Variants in TDRD9 observed in about 807,000 individuals in gnomAD.
TDRD9 encodes ATP-dependent RNA helicase TDRD9.
Under a neutral mutation model 172.6 loss-of-function variants are expected in TDRD9, and 124 were observed. The observed-to-expected ratio is 0.72, with a 90% CI of 0.62 to 0.83. The LOEUF is 0.83. TDRD9 is among the 40% of genes least tolerant of loss of function. The pLI, the probability that TDRD9 is intolerant of heterozygous loss-of-function variation, is 0.00. For missense variants in TDRD9, 1,479 were observed against 1,714.1 expected (o/e 0.86, Z 2.42); for synonymous variants, 619 against 617.1 (o/e 1.00, Z -0.05).
intron 9 of TDRD9, 99 bp from the exon 10 acceptor site, chr14:103,994,233 G>C (rs1449244126): frequency 3.0e-6 from 3 of 992,232 alleles, no homozygotes; most frequent in Non-Finnish European, 4.7e-6. Flanking sequence ...TAAATTGGTA[G>C]GGCCTTCTTT....
intron 1 of TDRD9, among the ~76,000 whole-genome samples, chr14:103,955,001 A>G (rs997659013): frequency 4.0e-5 from 6 of 151,710 alleles, no homozygotes; most frequent in African/African-American, 1.5e-4. Context: ...ATCTTGGCTC[A>G]CTGCAACCTC....
intron 1 of TDRD9, among the ~76,000 whole-genome samples, chr14:103,939,399 T>C (rs1291877484): frequency 6.6e-6 from 1 of 152,214 alleles, no homozygotes; most frequent in African/African-American, 2.4e-5. Context: ...AATAAGCAGT[T>C]GTGTACTTTT....
intron 20 of TDRD9, among the ~76,000 whole-genome samples, chr14:104,008,684 A>T (rs1398246484): frequency 6.6e-6 from 1 of 152,178 alleles, no homozygotes; most frequent in East Asian, 1.9e-4. Flanking sequence ...CAGTTAAGGA[A>T]TGTATTTCCC....
At chr14:103,940,919 C>G (rs374574508) in intron 1 of TDRD9, 1 of 1,535,364 alleles carries the variant, frequency 6.5e-7, no homozygotes, top group East Asian at 2.4e-5. Context: ...TCATCTTTGT[C>G]TGCCCTCTTG....
chr14:104,019,393 T>G (rs1268875028), intron 23 of TDRD9, among the ~76,000 whole-genome samples: 2 of 152,212 alleles, frequency 1.3e-5, no homozygotes, highest in African/African-American at 4.8e-5. Context: ...AGACAGAGTC[T>G]TGCTCTGTCA....
rs748759998 is a variant in TDRD9 at position 104,025,745 on chromosome 14, A to T, written c.2900A>T (p.Gln967Leu). The T allele has an allele frequency of 6.2e-7, 1 of 1,614,008 alleles. No homozygotes were observed. The highest frequency in any genetic ancestry group is 2.2e-5 in the East Asian group (1 of 44,888). Residue 967 changes from glutamine (Q) to leucine (L), a missense_variant, in exon 26 of 36, where the codon CAA becomes CTA. Physicochemically the swap from Gln to Leu is moderately radical, Grantham distance 113 (BLOSUM62 -2). Around this residue, in one of 3 missense-constraint regions of TDRD9, gnomAD observed 1,413 missense variants for 1,649.1 expected, o/e 0.86. Transcript: ENST00000409874. ...GATAAACAACGCTACTTTAGAGCTCAAGTCCTTTATGTTTCTGGAAATTCT... is the reference window on the plus strand; with the variant it reads ...GATAAACAACGCTACTTTAGAGCTCTAGTCCTTTATGTTTCTGGAAATTCT... ...DFDKQRYFRA[Q>L]VLYVSGNSAE... is the part of the protein sequence containing the mutation.
At chr14:104,015,130 T>C (rs2034748054) in intron 21 of TDRD9, among the ~76,000 whole-genome samples, 1 of 152,260 alleles carries the variant, frequency 6.6e-6, no homozygotes, top group South Asian at 2.1e-4. Flanking sequence ...ATAGAGTACC[T>C]GTGTTATCAC....
In TDRD9 at chr14:103,998,622, A is replaced by G; in HGVS notation, c.1379-2A>G. On this transcript the variant is annotated splice_acceptor_variant, in intron 12 of 35. Transcript: ENST00000409874. LOFTEE classifies it high-confidence loss of function. Reference sequence around the variant, plus strand: ...TTTACAGTCCTTTTTTTTAAATGGCAGTTATAGATTTTTGTTTGACTAGAA... The same window carrying G: ...TTTACAGTCCTTTTTTTTAAATGGCGGTTATAGATTTTTGTTTGACTAGAA... The G allele has an allele frequency of 6.5e-7, 1 of 1,534,910 alleles. No homozygotes were observed. The highest frequency in any genetic ancestry group is 9.0e-7 in the Non-Finnish European group (1 of 1,110,484).
At chr14:103,963,021 A>G in intron 2 of TDRD9, 58 bp from the exon 3 acceptor site, 1 of 955,802 alleles carries the variant, frequency 1.0e-6, no homozygotes, top group Non-Finnish European at 1.6e-6. Context: ...TAGAACATTG[A>G]GTTATCTTTT....
chr14:104,026,355 A>G (rs527260076), intron 27 of TDRD9, among the ~76,000 whole-genome samples: 3 of 152,242 alleles, frequency 2.0e-5, no homozygotes, highest in African/African-American at 7.2e-5. Context: ...GTTTTAATCC[A>G]GTAGTATCTT....
At chr14:103,945,403 C>T (rs1449171946) in intron 1 of TDRD9, 1 of 152,218 alleles carries the variant, frequency 6.6e-6, no homozygotes, top group Non-Finnish European at 1.5e-5. Context: ...ACTTGCCTTA[C>T]AGATTTTATT....
At chr14:104,030,155 G>T (rs1001560600) in intron 28 of TDRD9, among the ~76,000 whole-genome samples, 1 of 152,038 alleles carries the variant, frequency 6.6e-6, no homozygotes, top group Non-Finnish European at 1.5e-5. Flanking sequence ...CTGTAAAAAT[G>T]TTTCTTTCTT....
chr14:103,968,222 C>T (rs1370587787), intron 5 of TDRD9, among the ~76,000 whole-genome samples: 2 of 152,210 alleles, frequency 1.3e-5, no homozygotes, highest in Non-Finnish European at 2.9e-5. Context: ...TACTGGGGAG[C>T]GGTAACCAAC....
chr14:104,040,354 A>T lies in TDRD9; in HGVS notation c.3855+20A>T. 1 of 1,530,692 alleles carries T rather than the reference A, an allele frequency of 6.5e-7. No homozygotes were observed. The highest frequency in any genetic ancestry group is 8.8e-7 in the Non-Finnish European group (1 of 1,133,866). 94.8% of individuals were successfully genotyped at this position (1,530,692 alleles called of 1,614,324 possible). Reference sequence around the variant, plus strand: ...GTCGAGGTAAGGGTAGTGCAGCATCACGGCACCACAACCCTGTCTCTCTCT... The same window carrying T: ...GTCGAGGTAAGGGTAGTGCAGCATCTCGGCACCACAACCCTGTCTCTCTCT... On this transcript the variant is annotated intron_variant, in intron 33 of 35. Coordinates refer to ENST00000409874, the MANE Select transcript of TDRD9 (RefSeq NM_153046.3).
intron 7 of TDRD9, 108 bp downstream of exon 7, chr14:103,975,661 A>T: frequency 9.2e-7 from 1 of 1,081,422 alleles, no homozygotes; most frequent in African/African-American, 1.6e-5. Flanking sequence ...TTATTATTTT[A>T]AAATTGATGC....
Position 104,049,590 on chromosome 14 carries a change from C to T in TDRD9, c.3975-18C>T. 3 of 1,429,658 alleles carry T rather than the reference C, an allele frequency of 2.1e-6. No homozygotes were observed. Among genetic ancestry groups the T allele is most frequent in the South Asian group, 1.3e-5 (1 of 75,362 alleles). 88.6% of individuals were successfully genotyped at this position (1,429,658 alleles called of 1,614,324 possible). On this transcript the variant is annotated intron_variant, in intron 34 of 35. Transcript: ENST00000409874. Reference sequence around the variant, plus strand: ...TACTAATATATAATTAAGATAATTTCTTTTTTTTTTAAATTAGTTTGTTCT... The same window carrying T: ...TACTAATATATAATTAAGATAATTTTTTTTTTTTTTAAATTAGTTTGTTCT...
chr14:103,984,396 G>A (rs2033589394), intron 7 of TDRD9, among the ~76,000 whole-genome samples: 1 of 152,204 alleles, frequency 6.6e-6, no homozygotes, highest in Admixed American at 6.5e-5. Flanking sequence ...CGTGCTGTGT[G>A]CAGCCTAGGG....
chr14:104,044,591 G>T (rs2035711028), intron 34 of TDRD9, among the ~76,000 whole-genome samples: 1 of 152,076 alleles, frequency 6.6e-6, no homozygotes, highest in South Asian at 2.1e-4. Flanking sequence ...CTTTCACTTA[G>T]CTTAGTACTT....
At chr14:104,049,249 T>G (rs1048710898) in intron 34 of TDRD9, among the ~76,000 whole-genome samples, 8 of 152,080 alleles carry the variant, frequency 5.3e-5, no homozygotes, top group African/African-American at 1.4e-4. Flanking sequence ...ATTCCCTATC[T>G]TTTTAAGCTG....
Sources: allele counts gnomAD v4.1 joint callset (sites outside exome capture counted in the v4.1 genomes callset), GRCh38; gene constraint gnomAD v4.1.1; regional missense constraint gnomAD v4.1.1; transcripts MANE v1.5; gene names NCBI Gene and HGNC (gene_info 2026-07-23, HGNC 2026-07-21).